FGF14: variants seen among roughly 807,000 people sequenced by gnomAD.
FGF14 encodes the protein fibroblast growth factor 14, also known as fibroblast growth factor homologous factor 4.
FGF14 carries 5 observed loss-of-function variants against 25.5 expected under a neutral mutation model. That is an observed-to-expected ratio of 0.20 (90% CI 0.10 to 0.41). The LOEUF (loss-of-function observed/expected upper bound fraction) is 0.41. Among genes scored for constraint, FGF14 ranks in the 10% least tolerant of loss-of-function variants. The pLI, the probability that FGF14 is intolerant of heterozygous loss-of-function variation, is 1.00. For synonymous variants in FGF14, 138 were observed against 118.3 expected, an observed-to-expected ratio of 1.17 and a Z score of -1.08; for missense variants, 222 against 320.1, an observed-to-expected ratio of 0.69 and a Z score of 2.34.
At chr13:101,836,735 T>TA (rs1359371588) in intron 3 of FGF14, among the ~76,000 whole-genome samples, 1 of 152,068 alleles carries the variant, frequency 6.6e-6, no homozygotes, top group African/African-American at 2.4e-5. Context: ...TAATTTCTAG[T>TA]ATTTATGATT....
At chr13:102,255,730 CTT>C (rs1452234101) in intron 1 of FGF14, among the ~76,000 whole-genome samples, 1 of 152,190 alleles carries the variant, frequency 6.6e-6, no homozygotes, top group African/African-American at 2.4e-5. Flanking sequence ...GTCTAAGACA[CTT>C]ATGCTGGCAG....
At chr13:101,801,870 C>A (rs2040891778) in intron 3 of FGF14, 1 of 340,782 alleles carries the variant, frequency 2.9e-6, no homozygotes, top group Non-Finnish European at 5.7e-6. Context: ...CAAAACAGTA[C>A]AGTCAGGATG....
chr13:102,254,754 A>G (rs1164933717), intron 1 of FGF14, among the ~76,000 whole-genome samples: 3 of 152,162 alleles, frequency 2.0e-5, no homozygotes, highest in Non-Finnish European at 4.4e-5. Context: ...CCTCAGTTAT[A>G]ACAACTAAAA....
chr13:102,272,606 GTTAAT>G (rs1490829853), intron 1 of FGF14, among the ~76,000 whole-genome samples: 1 of 152,034 alleles, frequency 6.6e-6, no homozygotes, highest in East Asian at 1.9e-4. Flanking sequence ...CTGCATATGT[GTTAAT>G]TTATTTATTT....
intron 1 of FGF14, among the ~76,000 whole-genome samples, chr13:102,033,555 A>G (rs1238890819): frequency 6.6e-6 from 1 of 152,106 alleles, no homozygotes; most frequent in African/African-American, 2.4e-5. Flanking sequence ...AATTTCAGAG[A>G]CTTAAAAGGC....
intron 1 of FGF14, among the ~76,000 whole-genome samples, chr13:102,329,322 CT>C (rs1566940975): frequency 6.6e-6 from 1 of 152,170 alleles, no homozygotes; most frequent in Non-Finnish European, 1.5e-5. Context: ...GTGAAGGCTG[CT>C]TTTTTTCCAC....
chr13:102,354,271 G>A (rs1271474342), intron 1 of FGF14: 1 of 152,148 alleles, frequency 6.6e-6, no homozygotes, highest in Non-Finnish European at 1.5e-5. Context: ...CTCATCTGAG[G>A]CAAATGCATA....
chr13:102,318,410 A>T (rs2056117655), intron 1 of FGF14, among the ~76,000 whole-genome samples: 1 of 152,126 alleles, frequency 6.6e-6, no homozygotes, highest in Non-Finnish European at 1.5e-5. Flanking sequence ...GGCCTAAACA[A>T]CAGACATGTA....
In FGF14 at chr13:101,886,489, C is replaced by T. The variant is rs558147052; in HGVS notation, c.194-11193G>A. 1.7e-4 allele frequency among the ~76,000 whole-genome samples: 26 copies of T among 152,098 alleles called. No individual in the cohort carries two copies. In the South Asian group the frequency reaches 5.2e-3, roughly 30 times the overall value. The stretch of plus-strand genomic sequence containing the variant: ...AGCAGTGCTAGGAAGACTGGATATC[C>T]ATATGCAAAACCATAGATCCCCATC... On this transcript the variant is annotated intron_variant, in intron 1 of 4. Transcript: ENST00000376143.
intron 1 of FGF14, among the ~76,000 whole-genome samples, chr13:102,214,197 T>C (rs1402140602): frequency 2.6e-5 from 4 of 152,264 alleles, no homozygotes; most frequent in African/African-American, 9.6e-5. Context: ...TCCATCGCTG[T>C]TGCTCAGGAA....
chr13:101,916,154 G>A (rs530056713), intron 1 of FGF14, among the ~76,000 whole-genome samples: 29 of 152,354 alleles, frequency 1.9e-4, no homozygotes, highest in African/African-American at 6.7e-4. Flanking sequence ...TATCCTCCCG[G>A]GAAGCCGAGA....
chr13:102,161,650 A>AAGGAGGAGG (rs2047733791), intron 1 of FGF14, among the ~76,000 whole-genome samples: 3 of 42,848 alleles, frequency 7.0e-5, no homozygotes, highest in Non-Finnish European at 8.7e-5. Context: ...GAAGAAGAAG[A>AAGGAGGAGG]AGAAGAAGAA....
intron 1 of FGF14, among the ~76,000 whole-genome samples, chr13:102,005,991 T>TA (rs2039763282): frequency 6.6e-6 from 1 of 152,222 alleles, no homozygotes; most frequent in Non-Finnish European, 1.5e-5. Flanking sequence ...CACTCTTACT[T>TA]ATCTGTAAAG....
chr13:101,935,476 G>A (rs147632051), intron 1 of FGF14, among the ~76,000 whole-genome samples: 263 of 152,296 alleles, frequency 1.7e-3, no homozygotes, highest in South Asian at 6.0e-3. Flanking sequence ...GGGAGTGATT[G>A]GATCATGAGA....
intron 1 of FGF14, among the ~76,000 whole-genome samples, chr13:102,051,687 A>C (rs1187066200): frequency 6.6e-6 from 1 of 152,168 alleles, no homozygotes; most frequent in Non-Finnish European, 1.5e-5. Flanking sequence ...AACACTACAC[A>C]GCAGCACCCT....
intron 1 of FGF14, among the ~76,000 whole-genome samples, chr13:101,980,187 C>T (rs1260971586): frequency 6.6e-6 from 1 of 152,146 alleles, no homozygotes; most frequent in Non-Finnish European, 1.5e-5. Flanking sequence ...GCAATGAAGT[C>T]TAATTTAATT....
At chr13:102,099,127 T>C (rs2044540092) in intron 1 of FGF14, among the ~76,000 whole-genome samples, 1 of 152,136 alleles carries the variant, frequency 6.6e-6, no homozygotes, top group African/African-American at 2.4e-5. Flanking sequence ...TCCCCATCCC[T>C]TCTCAGCTGA....
chr13:101,938,791 A>G (rs1479798212), intron 1 of FGF14, among the ~76,000 whole-genome samples: 1 of 152,198 alleles, frequency 6.6e-6, no homozygotes, highest in African/African-American at 2.4e-5. Context: ...CTTTTCCCCC[A>G]TAAGCTTCTT....
intron 1 of FGF14, among the ~76,000 whole-genome samples, chr13:102,076,636 G>T (rs561772875): frequency 6.6e-6 from 1 of 151,918 alleles, no homozygotes; most frequent in Admixed American, 6.6e-5. Context: ...ACAAATAAAT[G>T]GAAGACACAA....
Sources: allele counts gnomAD v4.1 joint callset (sites outside exome capture counted in the v4.1 genomes callset), GRCh38; gene constraint gnomAD v4.1.1; transcripts MANE v1.5; gene names NCBI Gene and HGNC (gene_info 2026-07-23, HGNC 2026-07-21).